Variants in GALNT10 observed in about 807,000 individuals in gnomAD.
GALNT10 encodes the protein GalNAc transferase 10.
GALNT10 carries 41 observed loss-of-function variants against 75.0 expected under a neutral mutation model. That is an observed-to-expected ratio of 0.55 (90% CI 0.43 to 0.71). The LOEUF is 0.71. GALNT10 is among the 30% of genes least tolerant of loss of function. The pLI is 0.00. For missense variants in GALNT10, 727 were observed against 818.5 expected, an observed-to-expected ratio of 0.89 and a Z score of 1.36; for synonymous variants, 302 against 313.0, an observed-to-expected ratio of 0.96 and a Z score of 0.37.
At position 154,332,049 on chromosome 5, in the gene GALNT10, G is replaced by A. The variant is rs149574917; in HGVS notation, c.568+2311G>A. ...GCACCCAGACCCTGGGTCCTCTTCT[G>A]CCTCTTGCTCCCTCTCTTCTGCTTT... On this transcript the variant is annotated intron_variant, in intron 4 of 11. Coordinates refer to ENST00000297107, the MANE Select transcript of GALNT10 (RefSeq NM_198321.4). 1.6e-3 allele frequency among the ~76,000 whole-genome samples: 241 copies of A among 152,194 alleles called. 2 individuals are homozygous for A. The highest frequency in any genetic ancestry group is 5.5e-3 in the African/African-American group (229 of 41,530).
intron 4 of GALNT10, among the ~76,000 whole-genome samples, chr5:154,375,647 TC>T (rs1755642910): frequency 6.6e-6 from 1 of 152,222 alleles, no homozygotes; most frequent in Non-Finnish European, 1.5e-5. Context: ...GGCTTCAGTC[TC>T]AGCATATTCA....
chr5:154,408,657 T>A (rs551727088), intron 8 of GALNT10, among the ~76,000 whole-genome samples: 50 of 152,160 alleles, frequency 3.3e-4, no homozygotes, highest in Non-Finnish European at 5.1e-4. Context: ...TAAAACTGAT[T>A]ATCTTTGTGC....
At chr5:154,232,626 C>A (rs536118713) in intron 1 of GALNT10, among the ~76,000 whole-genome samples, 1 of 152,276 alleles carries the variant, frequency 6.6e-6, no homozygotes, top group Admixed American at 6.5e-5. Flanking sequence ...GGTTGTGATC[C>A]AAAGCCAGGA....
chr5:154,331,683 G>A (rs1754866612), intron 4 of GALNT10, among the ~76,000 whole-genome samples: 1 of 152,222 alleles, frequency 6.6e-6, no homozygotes, highest in Admixed American at 6.5e-5. Flanking sequence ...TCAGGGATGA[G>A]TATACAGAGG....
chr5:154,284,829 CAT>C (rs1038452929), intron 1 of GALNT10, among the ~76,000 whole-genome samples: 4 of 152,332 alleles, frequency 2.6e-5, no homozygotes, highest in South Asian at 2.1e-4. Flanking sequence ...TGATTACACT[CAT>C]GTGGTGGTTG....
At chr5:154,193,976 G>T (rs576841576) in intron 1 of GALNT10, among the ~76,000 whole-genome samples, 1 of 152,326 alleles carries the variant, frequency 6.6e-6, no homozygotes, top group Non-Finnish European at 1.5e-5. Flanking sequence ...TGCCAGCCTT[G>T]AAGACATCTT....
At chr5:154,238,363 T>C (rs1488303424) in intron 1 of GALNT10, among the ~76,000 whole-genome samples, 2 of 152,240 alleles carry the variant, frequency 1.3e-5, no homozygotes, top group East Asian at 3.8e-4. Context: ...ATATTATTTT[T>C]TAGGCATTTG....
chr5:154,370,131 C>A (rs1399902812), intron 4 of GALNT10, among the ~76,000 whole-genome samples: 1 of 152,228 alleles, frequency 6.6e-6, no homozygotes, highest in African/African-American at 2.4e-5. Context: ...TAGCCTTGGA[C>A]AAGAAATGTT....
chr5:154,209,186 A>G (rs1176661942), intron 1 of GALNT10, among the ~76,000 whole-genome samples: 1 of 152,234 alleles, frequency 6.6e-6, no homozygotes, highest in African/African-American at 2.4e-5. Flanking sequence ...CTAGACATGG[A>G]GAGGCCATGC....
chr5:154,191,968 C>T (rs1250949990), intron 1 of GALNT10, among the ~76,000 whole-genome samples: 1 of 152,272 alleles, frequency 6.6e-6, no homozygotes, highest in East Asian at 1.9e-4. Flanking sequence ...ATAGCAGAAG[C>T]TCTGTCACAT....
intron 1 of GALNT10, among the ~76,000 whole-genome samples, chr5:154,231,018 C>T (rs548344564): frequency 2.0e-5 from 3 of 152,230 alleles, no homozygotes; most frequent in Non-Finnish European, 1.5e-5. Context: ...GAGGACGCCA[C>T]GAACCAGCTT....
rs915502566 is a variant in GALNT10, at chr5:154,396,292, C to T, written c.1057-7812C>T. Among the ~76,000 whole-genome samples the T allele has an allele frequency of 2.6e-4, 39 of 152,120 alleles. 1 individual carries two copies. Among genetic ancestry groups the T allele is most frequent in the African/African-American group, 5.1e-4 (21 of 41,394 alleles). ...ACAGAAAGAAAAATTCACAAGCCCC[C>T]AGGGCAGAAAAGTGAATGCATTGCG... On this transcript the variant is annotated intron_variant, in intron 7 of 11. Coordinates refer to ENST00000297107, the MANE Select transcript of GALNT10 (RefSeq NM_198321.4).
intron 7 of GALNT10, among the ~76,000 whole-genome samples, chr5:154,401,256 C>T (rs896212707): frequency 6.6e-6 from 1 of 152,206 alleles, no homozygotes. Flanking sequence ...GGACACAGAG[C>T]CTCATTAGCT....
At chr5:154,293,424 G>C (rs1754224904) in intron 1 of GALNT10, among the ~76,000 whole-genome samples, 1 of 152,058 alleles carries the variant, frequency 6.6e-6, no homozygotes. Flanking sequence ...TGACTTGACT[G>C]TTGGCTTGAG....
At chr5:154,195,931 T>G (rs909230337) in intron 1 of GALNT10, among the ~76,000 whole-genome samples, 3 of 151,200 alleles carry the variant, frequency 2.0e-5, no homozygotes, top group African/African-American at 7.3e-5. Context: ...TTTGTTTTTG[T>G]TTTTTTTTGA....
At chr5:154,357,832 G>A (rs1460334890) in intron 4 of GALNT10, among the ~76,000 whole-genome samples, 1 of 152,128 alleles carries the variant, frequency 6.6e-6, no homozygotes, top group Non-Finnish European at 1.5e-5. Context: ...CATCCCACAG[G>A]GGCCGCTCCC....
At chr5:154,278,634 A>G (rs77738512) in intron 1 of GALNT10, among the ~76,000 whole-genome samples, 2,927 of 152,316 alleles carry the variant, frequency 0.019, 45 homozygotes, top group Non-Finnish European at 0.032. Context: ...TCACAATGCT[A>G]TGTAACCATT....
chr5:154,228,257 G>T (rs941126234), intron 1 of GALNT10, among the ~76,000 whole-genome samples: 5 of 152,192 alleles, frequency 3.3e-5, no homozygotes, highest in African/African-American at 1.2e-4. Flanking sequence ...TACCACAGTG[G>T]TATAAAGTAT....
chr5:154,193,505 G>T (rs913969523), intron 1 of GALNT10, among the ~76,000 whole-genome samples: 1 of 152,234 alleles, frequency 6.6e-6, no homozygotes, highest in African/African-American at 2.4e-5. Flanking sequence ...GGGAAATCTG[G>T]CATCTTGAGC....
Sources: allele counts gnomAD v4.1 joint callset (sites outside exome capture counted in the v4.1 genomes callset), GRCh38; gene constraint gnomAD v4.1.1; transcripts MANE v1.5; gene names NCBI Gene and HGNC (gene_info 2026-07-23, HGNC 2026-07-21).